The following PDGFC variants were observed in gnomAD, a reference collection of about 807,000 sequenced individuals.
PDGFC encodes the protein platelet-derived growth factor C.
Under a neutral mutation model 35.5 loss-of-function variants are expected in PDGFC, and 12 were observed. The observed-to-expected ratio is 0.34, with a 90% CI of 0.22 to 0.55. PDGFC has a LOEUF of 0.55. Ranked by LOEUF, PDGFC falls within the 20% of genes least tolerant of loss-of-function variation. The pLI is 0.91. For synonymous variants in PDGFC, 159 were observed against 148.8 expected (o/e 1.07, Z -0.50); for missense variants, 322 against 412.4 (o/e 0.78, Z 1.90).
chr4:156,914,722 A>G (rs1280110938), intron 1 of PDGFC, among the ~76,000 whole-genome samples: 1 of 152,204 alleles, frequency 6.6e-6, no homozygotes, highest in African/African-American at 2.4e-5. Context: ...AGAAATGAAA[A>G]CAAAACCTGG....
intron 2 of PDGFC, among the ~76,000 whole-genome samples, chr4:156,813,343 C>T (rs1731993413): frequency 6.6e-6 from 1 of 152,054 alleles, no homozygotes; most frequent in Admixed American, 6.6e-5. Context: ...TCTCAGGATA[C>T]AAACACATAA....
At chr4:156,909,495 A>G (rs1417317113) in intron 1 of PDGFC, among the ~76,000 whole-genome samples, 1 of 152,230 alleles carries the variant, frequency 6.6e-6, no homozygotes, top group Non-Finnish European at 1.5e-5. Flanking sequence ...TTACATCTGT[A>G]TAATTATAAG....
At chr4:156,958,697 CAG>C in intron 1 of PDGFC, among the ~76,000 whole-genome samples, 1 of 152,070 alleles carries the variant, frequency 6.6e-6, no homozygotes, top group Non-Finnish European at 1.5e-5. Context: ...CATTAATGCG[CAG>C]CACAACATAT....
chr4:156,767,945 C>T lies in PDGFC; in HGVS notation c.749G>A (p.Cys250Tyr). ...GGACACTGAGAAGTTACGAGGTGTG[C>T]AGCTGTATAATCTTACCTCCTCTGT... ...LLTEEVRLYSCTPRNFSVSIR... is the reference protein window; with the variant it reads ...LLTEEVRLYSYTPRNFSVSIR... Residue 250 changes from cysteine (C) to tyrosine (Y), a missense_variant, in exon 5 of 6, where the codon TGC becomes TAC. Physicochemically the swap from Cys to Tyr is radical, Grantham distance 194. Around this residue, in one of 2 missense-constraint regions of PDGFC, gnomAD observed 202 missense variants for 295.9 expected, o/e 0.68. Coordinates refer to ENST00000502773, the MANE Select transcript of PDGFC (RefSeq NM_016205.3). 1 of 1,612,468 alleles carries T rather than the reference C, an allele frequency of 6.2e-7. No individual in the cohort carries two copies. The highest frequency in any genetic ancestry group is 8.5e-7 in the Non-Finnish European group (1 of 1,178,602).
chr4:156,888,214 A>T (rs1267360889), intron 1 of PDGFC, among the ~76,000 whole-genome samples: 1 of 152,132 alleles, frequency 6.6e-6, no homozygotes, highest in Non-Finnish European at 1.5e-5. Flanking sequence ...CTATTGCTCC[A>T]GTTATAAGTT....
chr4:156,902,450 A>G (rs1267007957), intron 1 of PDGFC, among the ~76,000 whole-genome samples: 1 of 152,094 alleles, frequency 6.6e-6, no homozygotes, highest in East Asian at 1.9e-4. Flanking sequence ...TCTCGTTTTA[A>G]TCATGTATTG....
intron 3 of PDGFC, among the ~76,000 whole-genome samples, chr4:156,800,684 G>A (rs1259279199): frequency 6.6e-6 from 1 of 152,140 alleles, no homozygotes. Context: ...GATACAACTA[G>A]ACATTACATT....
At chr4:156,893,290 G>A (rs569675920) in intron 1 of PDGFC, among the ~76,000 whole-genome samples, 9 of 151,764 alleles carry the variant, frequency 5.9e-5, no homozygotes, top group South Asian at 4.2e-4. Flanking sequence ...GTGATCTATG[G>A]TAAGACAGAC....
At chr4:156,771,982 T>C (rs906181984) in intron 4 of PDGFC, among the ~76,000 whole-genome samples, 1 of 152,200 alleles carries the variant, frequency 6.6e-6, no homozygotes, top group Non-Finnish European at 1.5e-5. Context: ...GTTAAGATTA[T>C]TTCCAATTTC....
intron 5 of PDGFC, 69 bp from the exon 6 acceptor site, chr4:156,763,275 G>A: frequency 1.5e-6 from 1 of 687,542 alleles, no homozygotes; most frequent in Non-Finnish European, 2.7e-6. Flanking sequence ...TTATAAACAA[G>A]TAACGTTTTA....
At chr4:156,776,479 T>C (rs550573156) in intron 3 of PDGFC, among the ~76,000 whole-genome samples, 12 of 152,220 alleles carry the variant, frequency 7.9e-5, no homozygotes, top group Non-Finnish European at 1.0e-4. Flanking sequence ...CCAAAACCCT[T>C]ATTCAGCCAG....
intron 1 of PDGFC, among the ~76,000 whole-genome samples, chr4:156,945,169 C>T (rs1349010017): frequency 6.6e-6 from 1 of 151,346 alleles, no homozygotes; most frequent in Admixed American, 6.6e-5. Context: ...ATGTAAACTC[C>T]AGGAGACCAC....
chr4:156,790,649 T>A (rs922184825), intron 3 of PDGFC, among the ~76,000 whole-genome samples: 1 of 152,212 alleles, frequency 6.6e-6, no homozygotes, highest in African/African-American at 2.4e-5. Flanking sequence ...ATTCTATCCA[T>A]CCCAATTTTT....
At chr4:156,770,554 G>A (rs1730667566) in intron 4 of PDGFC, 1 of 151,952 alleles carries the variant, frequency 6.6e-6, no homozygotes, top group Non-Finnish European at 1.5e-5. Context: ...TTTTTGAATA[G>A]CTTAACTATA....
chr4:156,872,114 G>A (rs1729998716), intron 1 of PDGFC, among the ~76,000 whole-genome samples: 1 of 152,180 alleles, frequency 6.6e-6, no homozygotes, highest in East Asian at 1.9e-4. Flanking sequence ...TACCATGATG[G>A]ATTAAAAATA....
chr4:156,932,668 T>C (rs1731579462), intron 1 of PDGFC, among the ~76,000 whole-genome samples: 1 of 145,656 alleles, frequency 6.9e-6, no homozygotes, highest in Admixed American at 7.1e-5. Flanking sequence ...ACACAGCATG[T>C]TCTCACTCAC....
chr4:156,861,871 C>T (rs1048895027), intron 1 of PDGFC, among the ~76,000 whole-genome samples: 1 of 152,096 alleles, frequency 6.6e-6, no homozygotes, highest in Non-Finnish European at 1.5e-5. Context: ...TATACATTAT[C>T]TTTTAATGCT....
At chr4:156,873,456 C>G (rs1303105572) in intron 1 of PDGFC, among the ~76,000 whole-genome samples, 1 of 152,140 alleles carries the variant, frequency 6.6e-6, no homozygotes, top group Non-Finnish European at 1.5e-5. Context: ...ATTTCAAGCA[C>G]TACATAAAAG....
intron 1 of PDGFC, among the ~76,000 whole-genome samples, chr4:156,959,753 G>C (rs1417386088): frequency 1.3e-5 from 2 of 151,928 alleles, no homozygotes; most frequent in South Asian, 2.1e-4. Flanking sequence ...TGCTACGGTA[G>C]GTTGGCCACT....
Sources: gnomAD v4.1 joint callset for allele counts (sites outside exome capture counted in the v4.1 genomes callset) on GRCh38, gnomAD v4.1.1 for gene constraint, gnomAD v4.1.1 regional missense constraint, MANE v1.5 for transcripts, NCBI Gene and HGNC (gene_info 2026-07-23, HGNC 2026-07-21) for gene names.